The following B4GALT6 variants were observed in gnomAD, a reference collection of about 807,000 sequenced individuals.
B4GALT6 encodes the protein beta-1,4-galactosyltransferase 6.
In B4GALT6, 14 loss-of-function variants were observed where a neutral mutation model predicts 46.3. The ratio of observed to expected loss-of-function variants is 0.30; its 90% CI spans 0.20 to 0.47. The LOEUF (loss-of-function observed/expected upper bound fraction) is 0.47, where lower values mean the gene tolerates loss of function less well. Ranked by LOEUF, B4GALT6 falls within the 20% of genes least tolerant of loss-of-function variation. The pLI is 0.99. For missense variants in B4GALT6, 386 were observed against 480.1 expected, an observed-to-expected ratio of 0.80 and a Z score of 1.83; for synonymous variants, 168 against 162.0, an observed-to-expected ratio of 1.04 and a Z score of -0.28.
chr18:31,645,460 A>G lies in B4GALT6; in HGVS notation c.366T>C (p.Asn122=). The G allele has an allele frequency of 6.2e-7, 1 of 1,610,042 alleles. No homozygotes were observed. Among genetic ancestry groups the G allele is most frequent in the Non-Finnish European group, 8.5e-7 (1 of 1,179,116 alleles). The change falls in exon 4 of 9, where the codon AAT becomes AAC. Residue 122 remains asparagine (N), a synonymous_variant. Transcript: ENST00000306851. The part of the protein sequence containing the change: ...LPYMRGFLNV[N]VSEVSFDEIH... Reference sequence around the variant, plus strand: ...TTTCATCAAAACTGACTTCGCTTACATTGACATTGAGGAATCCTCCTACAA... The same window carrying G: ...TTTCATCAAAACTGACTTCGCTTACGTTGACATTGAGGAATCCTCCTACAA...
intron 1 of B4GALT6, among the ~76,000 whole-genome samples, chr18:31,667,245 G>A (rs1451861830): frequency 1.3e-5 from 2 of 152,168 alleles, no homozygotes; most frequent in Non-Finnish European, 2.9e-5. Flanking sequence ...AGGCAGGTGT[G>A]CAAGTAGTGC....
At chr18:31,653,550 C>T (rs1304169499) in intron 3 of B4GALT6, among the ~76,000 whole-genome samples, 1 of 145,114 alleles carries the variant, frequency 6.9e-6, no homozygotes, top group Non-Finnish European at 1.5e-5. Flanking sequence ...TCAAGCGATA[C>T]TCCACCTCAG....
chr18:31,658,286 ACAT>A, intron 2 of B4GALT6, 197 bp from the exon 3 acceptor site: 1 of 486,394 alleles, frequency 2.1e-6, no homozygotes, highest in South Asian at 2.7e-5. Context: ...TTCCCAAGAG[ACAT>A]CTAGAGAGCA....
At chr18:31,699,325 T>C in the B4GALT6 span, among the ~76,000 whole-genome samples, 1 of 148,820 alleles carries the variant, frequency 6.7e-6, no homozygotes, top group African/African-American at 2.5e-5. Context: ...CAGGCTGGAG[T>C]GCAATGGTAT....
At chr18:31,643,263 A>G (rs543054093) in intron 4 of B4GALT6, among the ~76,000 whole-genome samples, 4 of 152,204 alleles carry the variant, frequency 2.6e-5, no homozygotes, top group African/African-American at 9.7e-5. Flanking sequence ...AGGATTTGCT[A>G]AAAGTTGAAA....
chr18:31,682,345 C>G (rs1351732084), intron 1 of B4GALT6, among the ~76,000 whole-genome samples: 1 of 152,154 alleles, frequency 6.6e-6, no homozygotes, highest in Non-Finnish European at 1.5e-5. Flanking sequence ...ACAGATTCAG[C>G]TTGACAATTT....
the B4GALT6 span, among the ~76,000 whole-genome samples, chr18:31,720,609 G>A: frequency 6.6e-6 from 1 of 152,226 alleles, no homozygotes; most frequent in Admixed American, 6.5e-5. Flanking sequence ...GAGGCCCCTT[G>A]AACGGGGGAA....
At chr18:31,666,234 G>A (rs1476100949) in intron 2 of B4GALT6, 22 bp downstream of exon 2, 14 of 1,403,176 alleles carry the variant, frequency 1.0e-5, no homozygotes, top group Non-Finnish European at 1.3e-5. Context: ...ACTACAAGGG[G>A]TTAAGCAGGA....
At chr18:31,680,236 C>G (rs1043883140) in intron 1 of B4GALT6, among the ~76,000 whole-genome samples, 1 of 152,150 alleles carries the variant, frequency 6.6e-6, no homozygotes, top group Admixed American at 6.5e-5. Context: ...AAGAACACAG[C>G]CAGGCCCACT....
At position 31,684,568 on chromosome 18, in the gene B4GALT6, C is replaced by T; in HGVS notation, c.-142G>A. On this transcript the variant is annotated 5_prime_UTR_variant, in exon 1 of 9. Coordinates refer to ENST00000306851, the MANE Select transcript of B4GALT6 (RefSeq NM_004775.5). ...GCGGGGAGGCTCTGGGGAGAGGGCCCGAGCGGAAAAGAGGAAATGGGAGGG... is the reference window on the plus strand; with the variant it reads ...GCGGGGAGGCTCTGGGGAGAGGGCCTGAGCGGAAAAGAGGAAATGGGAGGG... The T allele has an allele frequency of 2.2e-6, 3 of 1,388,582 alleles. No individual in the cohort carries two copies. The highest frequency in any genetic ancestry group is 2.8e-6 in the Non-Finnish European group (3 of 1,062,072). 86.0% of individuals were successfully genotyped at this position (1,388,582 alleles called of 1,614,324 possible). A position where few individuals can be genotyped will look rare whatever the true frequency, so the allele number is the denominator to read the frequency against.
upstream of B4GALT6, among the ~76,000 whole-genome samples, chr18:31,689,603 G>A (rs558018674): frequency 6.6e-6 from 1 of 152,250 alleles, no homozygotes; most frequent in East Asian, 1.9e-4. Context: ...AATTAGCTGG[G>A]CATGGTGGCG....
At chr18:31,702,086 A>T in the B4GALT6 span, among the ~76,000 whole-genome samples, 1 of 152,208 alleles carries the variant, frequency 6.6e-6, no homozygotes, top group Non-Finnish European at 1.5e-5. Flanking sequence ...TACATCTTAA[A>T]TTTTGAATAT....
intron 5 of B4GALT6, among the ~76,000 whole-genome samples, 195 bp from the exon 6 acceptor site, chr18:31,631,341 C>T (rs926194656): frequency 1.3e-5 from 2 of 151,924 alleles, no homozygotes; most frequent in East Asian, 1.9e-4. Flanking sequence ...TGTGAGCCAC[C>T]GCGCCCGGCC....
intron 4 of B4GALT6, among the ~76,000 whole-genome samples, chr18:31,645,133 AACCGAGCATC>A (rs967079586): frequency 6.6e-6 from 1 of 151,554 alleles, no homozygotes; most frequent in Non-Finnish European, 1.5e-5. Flanking sequence ...AAAGAGAATG[AACCGAGCATC>A]TATTTTGTAT....
chr18:31,647,323 C>A (rs1030181955), intron 3 of B4GALT6, among the ~76,000 whole-genome samples: 2 of 152,170 alleles, frequency 1.3e-5, no homozygotes, highest in African/African-American at 4.8e-5. Flanking sequence ...TCTCCAGCAT[C>A]ATTTGCAGTT....
At chr18:31,669,147 T>C (rs1185639668) in intron 1 of B4GALT6, among the ~76,000 whole-genome samples, 1 of 152,242 alleles carries the variant, frequency 6.6e-6, no homozygotes, top group Non-Finnish European at 1.5e-5. Flanking sequence ...TTTCTATTTA[T>C]TCTTGATACA....
intron 1 of B4GALT6, among the ~76,000 whole-genome samples, chr18:31,673,793 A>C (rs1001687402): frequency 6.6e-6 from 1 of 152,172 alleles, no homozygotes; most frequent in Non-Finnish European, 1.5e-5. Flanking sequence ...ACACTCAGAA[A>C]GGGGTCTTTC....
At chr18:31,639,246 A>G (rs1303242855) in intron 4 of B4GALT6, among the ~76,000 whole-genome samples, 1 of 152,174 alleles carries the variant, frequency 6.6e-6, no homozygotes, top group East Asian at 1.9e-4. Flanking sequence ...TTGGCTATCA[A>G]TTGGGCATGA....
rs2073669761 is a variant in B4GALT6 at position 31,624,990 on chromosome 18, T to C, written c.*624A>G. 6.6e-6 allele frequency: 1 copy of C among 152,648 alleles called. No individual in the cohort carries two copies. The highest frequency in any genetic ancestry group is 1.5e-5 in the Non-Finnish European group (1 of 68,028). The allele number at this position is 152,648 out of a possible 1,614,324, so 9.5% of individuals were successfully genotyped here. The stretch of plus-strand genomic sequence containing the variant: ...AAAGCTATTTAAGTCCTTCCTTCTT[T>C]TCCTTTAAAGCCTAAGAAAGCTGTG... On this transcript the variant is annotated 3_prime_UTR_variant, in exon 9 of 9. Coordinates refer to ENST00000306851, the MANE Select transcript of B4GALT6 (RefSeq NM_004775.5).
Sources: allele counts gnomAD v4.1 joint callset (sites outside exome capture counted in the v4.1 genomes callset), GRCh38; gene constraint gnomAD v4.1.1; transcripts MANE v1.5; gene names NCBI Gene and HGNC (gene_info 2026-07-23, HGNC 2026-07-21).